The following TMIE variants were observed in gnomAD, a reference collection of about 807,000 sequenced individuals.
The protein encoded by TMIE is transmembrane inner ear expressed protein.
A neutral mutation model predicts 16.8 loss-of-function variants in TMIE; 14 were observed. The observed-to-expected ratio is 0.83, with a 90% CI of 0.55 to 1.30. The LOEUF is 1.30. Ranked by LOEUF, TMIE falls within the 50% of genes most tolerant of loss-of-function variation. The probability of loss-of-function intolerance (pLI) is 0.00; values close to 1 mark genes in which losing one functional copy is unlikely to be tolerated. For missense variants in TMIE, 204 were observed against 205.9 expected, an observed-to-expected ratio of 0.99 and a Z score of 0.06; for synonymous variants, 75 against 87.2, an observed-to-expected ratio of 0.86 and a Z score of 0.78.
At chr3:46,709,436 T>A in intron 3 of TMIE, 143 bp from the exon 4 acceptor site, 1 of 1,604,400 alleles carries the variant, frequency 6.2e-7, no homozygotes, top group Non-Finnish European at 8.5e-7. Context: ...ATGAGGCAAA[T>A]AGAACGATGA....
intron 2 of TMIE, among the ~76,000 whole-genome samples, chr3:46,708,347 G>A (rs1241497638): frequency 1.3e-5 from 2 of 152,260 alleles, no homozygotes; most frequent in African/African-American, 2.4e-5. Flanking sequence ...GTTATGTCTG[G>A]TCATCTGATT....
At chr3:46,694,126 C>T (rs2106764511), upstream of TMIE, among the ~76,000 whole-genome samples, 1 of 152,292 alleles carries the variant, frequency 6.6e-6, no homozygotes, top group East Asian at 1.9e-4. Context: ...ACACGCGGAG[C>T]GCTGTGTGGG....
chr3:46,701,517 C>T lies in TMIE; in HGVS notation c.30C>T (p.Leu10=), dbSNP rs975071792. ...CGGGGTGGCCGGGCGCGGGTCCCCTCTGCGTGCTGGGCGGCGCCGCACTCG... is the reference window on the plus strand; with the variant it reads ...CGGGGTGGCCGGGCGCGGGTCCCCTTTGCGTGCTGGGCGGCGCCGCACTCG... MAGWPGAGP[L]CVLGGAALGV... The change falls in exon 1 of 4, where the codon CTC becomes CTT. Residue 10 remains leucine, a synonymous_variant. Transcript: ENST00000643606. This position sits in a 1 kb window ranked among gnomAD's most constrained non-coding sequence, Gnocchi z 4.3. 40 of 1,333,260 alleles carry T rather than the reference C, an allele frequency of 3.0e-5. No homozygotes were observed. Among genetic ancestry groups the T allele is most frequent in the Admixed American group, 8.2e-5 (2 of 24,316 alleles). 82.6% of individuals were successfully genotyped at this position (1,333,260 alleles called of 1,614,324 possible). A position where few individuals can be genotyped will look rare whatever the true frequency, so the allele number is the denominator to read the frequency against.
intron 2 of TMIE, among the ~76,000 whole-genome samples, chr3:46,708,739 G>C (rs992943479): frequency 1.1e-4 from 16 of 152,182 alleles, no homozygotes; most frequent in Admixed American, 3.9e-4. Context: ...GAGAAGCTAA[G>C]TTGCACACCC....
chr3:46,697,551 C>T (rs1024927009), upstream of TMIE, among the ~76,000 whole-genome samples: 1 of 152,172 alleles, frequency 6.6e-6, no homozygotes, highest in Admixed American at 6.5e-5. Context: ...CTTCGTAATA[C>T]CCTTTACAGT....
intron 2 of TMIE, among the ~76,000 whole-genome samples, chr3:46,708,814 C>T (rs1300450086): frequency 6.6e-6 from 1 of 152,240 alleles, no homozygotes; most frequent in African/African-American, 2.4e-5. Context: ...TGGTGCAGAC[C>T]TCTGCCTTAC....
Position 46,705,995 on chromosome 3 carries a change from G to A in TMIE, c.211+88G>A, listed in dbSNP as rs748531080. 2.1e-4 allele frequency: 291 copies of A among 1,409,716 alleles called. 1 individual carries two copies. Among genetic ancestry groups the A allele is most frequent in the African/African-American group, 1.8e-3 (130 of 71,052 alleles). The allele number at this position is 1,409,716 out of a possible 1,614,324, so 87.3% of individuals were successfully genotyped here. A position where few individuals can be genotyped will look rare whatever the true frequency, so the allele number is the denominator to read the frequency against. On this transcript the variant is annotated intron_variant, in intron 2 of 3. Coordinates refer to ENST00000643606, the MANE Select transcript of TMIE (RefSeq NM_147196.3). Reference sequence around the variant, plus strand: ...CCAGAGGGCTCAGAGCAGCAATTCCGGGCAGTGCAAGTAGGCCAGGCACCC... The same window carrying A: ...CCAGAGGGCTCAGAGCAGCAATTCCAGGCAGTGCAAGTAGGCCAGGCACCC...
chr3:46,709,160 G>A lies in TMIE; in HGVS notation c.246G>A (p.Val82=). The part of the protein sequence containing the change: ...ITLCCVFNCR[V]PRTRKEIEAR... Reference sequence around the variant, plus strand: ...TGTGCTGTGTCTTCAACTGTCGTGTGCCACGGACCCGGAAGGAGATCGAAG... The same window carrying A: ...TGTGCTGTGTCTTCAACTGTCGTGTACCACGGACCCGGAAGGAGATCGAAG... The change falls in exon 3 of 4, where the codon GTG becomes GTA. Residue 82 remains valine, a synonymous_variant. Coordinates refer to ENST00000643606, the MANE Select transcript of TMIE (RefSeq NM_147196.3). The A allele has an allele frequency of 6.2e-7, 1 of 1,614,138 alleles. No individual in the cohort carries two copies.
intron 1 of TMIE, among the ~76,000 whole-genome samples, chr3:46,702,404 C>G (rs910307781): frequency 1.3e-5 from 2 of 152,014 alleles, no homozygotes; most frequent in Non-Finnish European, 2.9e-5. Context: ...AGGGTGGGGC[C>G]ATCTGTAGCC....
At chr3:46,703,091 C>T (rs373161488) in intron 1 of TMIE, among the ~76,000 whole-genome samples, 69 of 152,322 alleles carry the variant, frequency 4.5e-4, no homozygotes, top group African/African-American at 9.4e-4. Flanking sequence ...AAGGCCTTAG[C>T]TCTTCCCTCA....
At chr3:46,701,259 A>T (rs7430680), upstream of TMIE, 95,637 of 361,318 alleles carry the variant, frequency 0.26, 12,848 homozygotes, top group Non-Finnish European at 0.3. The surrounding 1 kb of genome is among the most constrained non-coding windows in gnomAD (Gnocchi z 4.3). Context: ...AGGTGGGGGC[A>T]GGGAGGGGGA....
intron 2 of TMIE, among the ~76,000 whole-genome samples, chr3:46,708,098 C>G (rs2106785560): frequency 6.6e-6 from 1 of 152,306 alleles, no homozygotes; most frequent in African/African-American, 2.4e-5. Context: ...AGTCCTGTTC[C>G]CAACAGCAAA....
chr3:46,706,045 GCACCTCCTGATCCA>G, intron 2 of TMIE, 138 bp downstream of exon 2: 1 of 895,750 alleles, frequency 1.1e-6, no homozygotes. Flanking sequence ...GTGGTTTCTG[GCACCTCCTGATCCA>G]CACAAACTCC....
chr3:46,709,410 A>G, intron 3 of TMIE, 135 bp downstream of exon 3: 1 of 1,597,814 alleles, frequency 6.3e-7, no homozygotes, highest in Non-Finnish European at 8.6e-7. Context: ...AGACCAGAGC[A>G]CAGAAATTGG....
At position 46,709,826 on chromosome 3, in the gene TMIE, C is replaced by T; in HGVS notation, c.*138C>T. 1 of 1,521,962 alleles carries T rather than the reference C, an allele frequency of 6.6e-7. No individual in the cohort carries two copies. Among genetic ancestry groups the T allele is most frequent in the Non-Finnish European group, 8.9e-7 (1 of 1,122,114 alleles). 94.3% of individuals were successfully genotyped at this position (1,521,962 alleles called of 1,614,324 possible). On this transcript the variant is annotated 3_prime_UTR_variant, in exon 4 of 4. Transcript: ENST00000643606. ...GGAAGCTGAGGCCCATGGCCACATC[C>T]TCATGGCCCATCAGGGGCAGGAACC... is the stretch of plus-strand genomic sequence containing the variant.
chr3:46,709,332 C>G, intron 3 of TMIE, 57 bp downstream of exon 3: 1 of 1,612,178 alleles, frequency 6.2e-7, no homozygotes, highest in Admixed American at 1.7e-5. Flanking sequence ...GTCCTGCTGC[C>G]TGGAGTCACC....
At chr3:46,709,310 G>A (rs1239795349) in intron 3 of TMIE, 35 bp downstream of exon 3, 2 of 1,613,674 alleles carry the variant, frequency 1.2e-6, no homozygotes, top group Non-Finnish European at 8.5e-7. Context: ...TGCTGCGCCA[G>A]CCAGTTCCTC....
chr3:46,709,895 C>T lies in TMIE; in HGVS notation c.*207C>T, dbSNP rs1700599725. 20 of 996,262 alleles carry T rather than the reference C, an allele frequency of 2.0e-5. No homozygotes were observed. The highest frequency in any genetic ancestry group is 2.6e-5 in the Non-Finnish European group (18 of 686,610). 61.7% of individuals were successfully genotyped at this position (996,262 alleles called of 1,614,324 possible). A position where few individuals can be genotyped will look rare whatever the true frequency, so the allele number is the denominator to read the frequency against. Reference sequence around the variant, plus strand: ...CCTGCCCCCCAGCCTAGGCTTGGCTCCTTTCACCCCATCCACATGGGTACT... The same window carrying T: ...CCTGCCCCCCAGCCTAGGCTTGGCTTCTTTCACCCCATCCACATGGGTACT... On this transcript the variant is annotated 3_prime_UTR_variant, in exon 4 of 4. Coordinates refer to ENST00000643606, the MANE Select transcript of TMIE (RefSeq NM_147196.3).
At chr3:46,706,383 A>G (rs867932614) in intron 2 of TMIE, among the ~76,000 whole-genome samples, 1 of 152,250 alleles carries the variant, frequency 6.6e-6, no homozygotes, top group Middle Eastern at 3.4e-3. Flanking sequence ...ACCCGCCTCA[A>G]TTAAAAGCAG....
Sources: gnomAD v4.1 joint callset for allele counts (sites outside exome capture counted in the v4.1 genomes callset) on GRCh38, gnomAD v4.1.1 for gene constraint, Gnocchi (gnomAD v3.1) non-coding constraint, MANE v1.5 for transcripts, NCBI Gene and HGNC (gene_info 2026-07-23, HGNC 2026-07-21) for gene names.